FOXO1: variants seen among roughly 807,000 people sequenced by gnomAD.
FOXO1 encodes the protein forkhead box protein O1.
In FOXO1, 6 loss-of-function variants were observed where a neutral mutation model predicts 44.1. The ratio of observed to expected loss-of-function variants is 0.14; its 90% confidence interval spans 0.07 to 0.27. The LOEUF (loss-of-function observed/expected upper bound fraction) is 0.27, where lower values mean the gene tolerates loss of function less well. Ranked by LOEUF, FOXO1 falls within the 10% of genes least tolerant of loss-of-function variation. FOXO1 has a pLI of 1.00. For missense variants in FOXO1, 737 were observed against 888.8 expected, an observed-to-expected ratio of 0.83 and a Z score of 2.17; for synonymous variants, 380 against 362.7, an observed-to-expected ratio of 1.05 and a Z score of -0.54.
At chr13:40,616,297 C>T (rs1428676594) in intron 1 of FOXO1, among the ~76,000 whole-genome samples, 2 of 151,174 alleles carry the variant, frequency 1.3e-5, no homozygotes, top group African/African-American at 2.4e-5. Flanking sequence ...AAAATTAAAA[C>T]GCAAAAAAAG....
chr13:40,601,676 G>GT (rs976977204), intron 1 of FOXO1, among the ~76,000 whole-genome samples: 1 of 152,090 alleles, frequency 6.6e-6, no homozygotes, highest in African/African-American at 2.4e-5. Context: ...GATTAAATGG[G>GT]TTTTTTGGTC....
chr13:40,562,960 C>T (rs954009731), intron 1 of FOXO1, among the ~76,000 whole-genome samples: 2 of 152,258 alleles, frequency 1.3e-5, no homozygotes, highest in Non-Finnish European at 2.9e-5. Flanking sequence ...GTTCATTCAG[C>T]AGCCTCTTTC....
intron 1 of FOXO1, among the ~76,000 whole-genome samples, chr13:40,591,860 C>G (rs1338795049): frequency 1.3e-5 from 2 of 152,190 alleles, no homozygotes; most frequent in Non-Finnish European, 2.9e-5. Flanking sequence ...CTGTGTGCCA[C>G]CACGCCAGGC....
At chr13:40,605,594 T>C (rs1048501346) in intron 1 of FOXO1, among the ~76,000 whole-genome samples, 2 of 152,176 alleles carry the variant, frequency 1.3e-5, no homozygotes, top group Non-Finnish European at 2.9e-5. Context: ...CCTCTCAATC[T>C]GGCCCAAAAA....
chr13:40,622,938 G>C (rs1264947753), intron 1 of FOXO1, among the ~76,000 whole-genome samples: 1 of 152,052 alleles, frequency 6.6e-6, no homozygotes, highest in East Asian at 1.9e-4. Context: ...CTGCTTCCAG[G>C]GTGTGATTCA....
chr13:40,563,227 C>T (rs545659073), intron 1 of FOXO1, among the ~76,000 whole-genome samples: 2 of 152,312 alleles, frequency 1.3e-5, no homozygotes, highest in South Asian at 2.1e-4. Flanking sequence ...CCAACCACTG[C>T]GCCTGAGCAG....
intron 1 of FOXO1, among the ~76,000 whole-genome samples, chr13:40,574,579 A>T (rs753491432): frequency 1.3e-5 from 2 of 152,240 alleles, no homozygotes. Flanking sequence ...AGATACTTAT[A>T]TAACAAAGAG....
chr13:40,598,545 G>C (rs991542614), intron 1 of FOXO1, among the ~76,000 whole-genome samples: 4 of 152,090 alleles, frequency 2.6e-5, no homozygotes, highest in Admixed American at 2.6e-4. Context: ...AACACAAGTT[G>C]ATACTTTCTT....
chr13:40,560,503 G>A lies in FOXO1; in HGVS notation c.988C>T (p.Pro330Ser). ...NASTISGRLS[P>S]IMTEQDDLGE... ...AGATCATCCTGTTCGGTCATAATGGGTGAGAGTCTCCCACTAATAGTACTA... is the reference window on the plus strand; with the variant it reads ...AGATCATCCTGTTCGGTCATAATGGATGAGAGTCTCCCACTAATAGTACTA... Residue 330 changes from proline to serine, a missense_variant, in exon 2 of 3, where the codon CCC becomes TCC. Around this residue, in one of 7 missense-constraint regions of FOXO1, gnomAD observed 136 missense variants for 186.4 expected, o/e 0.73. Transcript: ENST00000379561. The surrounding 1 kb of genome is among the most constrained non-coding windows in gnomAD (Gnocchi z 5.1). 1 of 1,614,166 alleles carries A rather than the reference G, an allele frequency of 6.2e-7. No homozygotes were observed.
intron 1 of FOXO1, among the ~76,000 whole-genome samples, chr13:40,630,651 CA>C (rs377332291): frequency 0.012 from 1,620 of 132,930 alleles, 21 homozygotes; most frequent in East Asian, 0.023. Context: ...CAAAACTTCT[CA>C]AAAAAAAAAA....
At chr13:40,654,119 G>A (rs1415362485) in intron 1 of FOXO1, among the ~76,000 whole-genome samples, 1 of 151,788 alleles carries the variant, frequency 6.6e-6, no homozygotes, top group Non-Finnish European at 1.5e-5. Context: ...AGCTCATGGG[G>A]TATATCATTA....
At chr13:40,565,002 G>GT (rs1874212631) in intron 1 of FOXO1, among the ~76,000 whole-genome samples, 1 of 120,704 alleles carries the variant, frequency 8.3e-6, no homozygotes, top group Non-Finnish European at 1.6e-5. Context: ...GTACTTGCTT[G>GT]TTCAACCTGC....
In FOXO1 at chr13:40,556,687, A is replaced by G. The variant is rs1199680129; in HGVS notation, c.*2362T>C. 1 of 152,214 alleles carries G rather than the reference A, an allele frequency of 6.6e-6. No homozygotes were observed. Among genetic ancestry groups the G allele is most frequent in the Non-Finnish European group, 1.5e-5 (1 of 68,030 alleles). 9.4% of individuals were successfully genotyped at this position (152,214 alleles called of 1,614,324 possible). ...ATTCATGACAGGATTTCAACACACA[A>G]TGGGGGCTTGGGAGAGGTATAATTA... On this transcript the variant is annotated 3_prime_UTR_variant, in exon 3 of 3. Transcript: ENST00000379561.
chr13:40,664,736 G>C (rs1236449580), intron 1 of FOXO1, among the ~76,000 whole-genome samples: 1 of 152,084 alleles, frequency 6.6e-6, no homozygotes, highest in Non-Finnish European at 1.5e-5. Context: ...AGAAACGCTG[G>C]CCCCACGGCG....
At chr13:40,620,144 G>C (rs1235656503) in intron 1 of FOXO1, 7 of 1,437,800 alleles carry the variant, frequency 4.9e-6, no homozygotes, top group Non-Finnish European at 6.8e-6. Context: ...TCTAATTCAA[G>C]ACTTATGTCA....
At chr13:40,567,410 G>GTATTA (rs1303463030) in intron 1 of FOXO1, among the ~76,000 whole-genome samples, 2 of 151,876 alleles carry the variant, frequency 1.3e-5, no homozygotes, top group East Asian at 3.9e-4. Context: ...TATAAGGCAG[G>GTATTA]TATTACTGGC....
intron 1 of FOXO1, among the ~76,000 whole-genome samples, chr13:40,582,210 AT>A (rs2137852282): frequency 6.6e-6 from 1 of 152,336 alleles, no homozygotes; most frequent in East Asian, 1.9e-4. Flanking sequence ...TAAGTGTGCA[AT>A]AGCCATATTT....
chr13:40,640,095 T>C (rs1877298065), intron 1 of FOXO1, among the ~76,000 whole-genome samples: 1 of 152,202 alleles, frequency 6.6e-6, no homozygotes, highest in Non-Finnish European at 1.5e-5. Context: ...ATTCCACTCC[T>C]TGAATAAAAC....
intron 1 of FOXO1, among the ~76,000 whole-genome samples, chr13:40,593,791 C>T (rs1275591684): frequency 2.6e-5 from 4 of 152,182 alleles, no homozygotes; most frequent in African/African-American, 9.7e-5. Context: ...CCTTCTCTGA[C>T]ATCCTTCTGT....
Sources: gnomAD v4.1 joint callset for allele counts (sites outside exome capture counted in the v4.1 genomes callset) on GRCh38, gnomAD v4.1.1 for gene constraint, gnomAD v4.1.1 regional missense constraint, Gnocchi (gnomAD v3.1) non-coding constraint, MANE v1.5 for transcripts, NCBI Gene and HGNC (gene_info 2026-07-23, HGNC 2026-07-21) for gene names.